The following ANKS1B variants were observed in gnomAD, a reference collection of about 807,000 sequenced individuals.
ANKS1B encodes ankyrin repeat and sterile alpha motif domain-containing protein 1B.
Under a neutral mutation model 148.3 loss-of-function variants are expected in ANKS1B, and 36 were observed. That is an observed-to-expected ratio of 0.24 (90% CI 0.19 to 0.32). ANKS1B has a LOEUF of 0.32. Ranked by LOEUF, ANKS1B falls within the 10% of genes least tolerant of loss-of-function variation. The pLI is 1.00. For synonymous variants in ANKS1B, 542 were observed against 560.8 expected, an observed-to-expected ratio of 0.97 and a Z score of 0.47; for missense variants, 1,157 against 1,542.6, an observed-to-expected ratio of 0.75 and a Z score of 4.19.
chr12:98,774,491 T>C (rs527713770), intron 24 of ANKS1B, among the ~76,000 whole-genome samples: 9 of 152,216 alleles, frequency 5.9e-5, no homozygotes, highest in Non-Finnish European at 1.0e-4. Flanking sequence ...TTTTGATACA[T>C]AGATGTGTTT....
chr12:99,365,725 A>G (rs1171697324), intron 12 of ANKS1B, among the ~76,000 whole-genome samples: 2 of 152,030 alleles, frequency 1.3e-5, no homozygotes, highest in Non-Finnish European at 2.9e-5. Context: ...AATGCTGGGG[A>G]GTCAGAAGCA....
intron 22 of ANKS1B, among the ~76,000 whole-genome samples, chr12:98,791,121 C>T (rs1355449664): frequency 6.6e-6 from 1 of 152,096 alleles, no homozygotes; most frequent in East Asian, 1.9e-4. Context: ...CCGAGGTGGG[C>T]AGATCACAAG....
chr12:99,921,350 T>C (rs2094347104), intron 1 of ANKS1B, among the ~76,000 whole-genome samples: 1 of 152,130 alleles, frequency 6.6e-6, no homozygotes, highest in Non-Finnish European at 1.5e-5. Flanking sequence ...TCCCCTTCCA[T>C]CATGACTGTA....
At chr12:99,172,106 T>C (rs1285551820) in intron 14 of ANKS1B, among the ~76,000 whole-genome samples, 1 of 152,104 alleles carries the variant, frequency 6.6e-6, no homozygotes, top group African/African-American at 2.4e-5. Context: ...AGAAGGAAGA[T>C]GGTGTTCCAG....
At chr12:99,880,486 A>C (rs1241392839) in intron 1 of ANKS1B, among the ~76,000 whole-genome samples, 2 of 152,160 alleles carry the variant, frequency 1.3e-5, no homozygotes. Flanking sequence ...TGGAATGCCA[A>C]GTAAGTTATA....
chr12:99,543,567 C>G (rs1055764740), intron 9 of ANKS1B, among the ~76,000 whole-genome samples: 3 of 151,928 alleles, frequency 2.0e-5, no homozygotes, highest in Non-Finnish European at 4.4e-5. Context: ...AAAGGGTGAA[C>G]AACCCAAATG....
In ANKS1B at chr12:99,611,150, T is replaced by C. The variant is rs967963859; in HGVS notation, c.1272+43917A>G. 9.9e-5 allele frequency among the ~76,000 whole-genome samples: 15 copies of C among 152,122 alleles called. 1 individual carries two copies. Among genetic ancestry groups the C allele is most frequent in the Admixed American group, 1.3e-4 (2 of 15,254 alleles). The stretch of plus-strand genomic sequence containing the variant: ...ACTTTATATCAATAGTGCCTAATAA[T>C]AGTCTAGAAATCAGAACTCGTAATC... On this transcript the variant is annotated intron_variant, in intron 9 of 26. Transcript: ENST00000683438.
intron 12 of ANKS1B, among the ~76,000 whole-genome samples, chr12:99,371,977 A>C (rs2093160199): frequency 6.6e-6 from 1 of 152,144 alleles, no homozygotes; most frequent in Admixed American, 6.5e-5. Flanking sequence ...AATTGGTGAC[A>C]CAGAGGGATG....
In ANKS1B at chr12:99,433,711, G is replaced by C. The variant is rs114645127; in HGVS notation, c.1575+9962C>G. ...ATGAGCCTGGAGTTCAGGGAAGTGG[G>C]CAGGCCTGGAGATACAAATTTAGGA... On this transcript the variant is annotated intron_variant, in intron 11 of 26. Transcript: ENST00000683438. 1.9e-3 allele frequency among the ~76,000 whole-genome samples: 285 copies of C among 152,252 alleles called. 1 individual carries two copies. The highest frequency in any genetic ancestry group is 6.4e-3 in the African/African-American group (266 of 41,544).
At chr12:99,770,282 C>G (rs2063067499) in intron 8 of ANKS1B, among the ~76,000 whole-genome samples, 1 of 151,102 alleles carries the variant, frequency 6.6e-6, no homozygotes, top group Non-Finnish European at 1.5e-5. Flanking sequence ...CAGTTATAGT[C>G]TACACACTGT....
At chr12:99,942,501 T>C (rs143172756) in intron 1 of ANKS1B, among the ~76,000 whole-genome samples, 95 of 152,042 alleles carry the variant, frequency 6.2e-4, no homozygotes, top group Admixed American at 1.1e-3. Flanking sequence ...GATGGAACAA[T>C]AGCTTGAGGG....
At chr12:99,527,092 TGACACC>T (rs1466788351) in intron 9 of ANKS1B, among the ~76,000 whole-genome samples, 2 of 152,194 alleles carry the variant, frequency 1.3e-5, no homozygotes, top group Non-Finnish European at 2.9e-5. Context: ...CCAGTCCTGC[TGACACC>T]TTAATTTTGA....
intron 12 of ANKS1B, among the ~76,000 whole-genome samples, chr12:99,307,673 G>C (rs969804073): frequency 1.3e-5 from 2 of 151,776 alleles, no homozygotes; most frequent in African/African-American, 4.8e-5. Context: ...CACCTGCTTT[G>C]TGCTTTTTGA....
intron 15 of ANKS1B, among the ~76,000 whole-genome samples, chr12:99,109,114 T>C (rs7953690): frequency 0.66 from 100,039 of 151,916 alleles, 33,199 homozygotes; most frequent in East Asian, 0.89. Context: ...CCCTGGCTGG[T>C]CAGGGAACTC....
At chr12:99,303,640 C>A (rs1052112660) in intron 12 of ANKS1B, among the ~76,000 whole-genome samples, 2 of 151,888 alleles carry the variant, frequency 1.3e-5, no homozygotes, top group Non-Finnish European at 2.9e-5. Context: ...TTTATTTTTA[C>A]GTATTTCAAT....
At chr12:98,982,915 A>C (rs570756028) in intron 17 of ANKS1B, among the ~76,000 whole-genome samples, 2 of 152,218 alleles carry the variant, frequency 1.3e-5, no homozygotes, top group African/African-American at 4.8e-5. Flanking sequence ...TTGCTGGCTC[A>C]TAAGGTATAC....
chr12:99,331,646 G>A (rs2087582687), intron 12 of ANKS1B, among the ~76,000 whole-genome samples: 1 of 152,014 alleles, frequency 6.6e-6, no homozygotes. Flanking sequence ...TTGTAGGGGT[G>A]AATGTGGTTC....
At chr12:99,378,076 A>G (rs971016869) in intron 12 of ANKS1B, among the ~76,000 whole-genome samples, 1 of 152,216 alleles carries the variant, frequency 6.6e-6, no homozygotes, top group South Asian at 2.1e-4. Flanking sequence ...ATTTGTGAAG[A>G]CTTCAAAAAG....
chr12:99,899,453 A>G (rs1042806113), intron 1 of ANKS1B, among the ~76,000 whole-genome samples: 6 of 152,188 alleles, frequency 3.9e-5, no homozygotes, highest in African/African-American at 1.4e-4. Flanking sequence ...ATTTTCTAAT[A>G]TATTATCTGT....
Sources: gnomAD v4.1 joint callset for allele counts (sites outside exome capture counted in the v4.1 genomes callset) on GRCh38, gnomAD v4.1.1 for gene constraint, MANE v1.5 for transcripts, NCBI Gene and HGNC (gene_info 2026-07-23, HGNC 2026-07-21) for gene names.